The following SHOC2 variants were observed in gnomAD, a reference collection of about 807,000 sequenced individuals.
SHOC2 encodes the protein leucine-rich repeat protein SHOC-2.
Under a neutral mutation model 50.2 loss-of-function variants are expected in SHOC2, and 4 were observed. The ratio of observed to expected loss-of-function variants is 0.08; its 90% CI spans 0.04 to 0.18. The LOEUF is 0.18. Among genes scored for constraint, SHOC2 ranks in the 10% least tolerant of loss-of-function variants. SHOC2 has a pLI of 1.00. For missense variants in SHOC2, 388 were observed against 669.6 expected (o/e 0.58, Z 4.64); for synonymous variants, 218 against 244.5 (o/e 0.89, Z 1.01).
chr10:111,004,535 G>A, intron 4 of SHOC2, 71 bp from the exon 5 acceptor site: 1 of 1,124,928 alleles, frequency 8.9e-7, no homozygotes, highest in Non-Finnish European at 1.3e-6. Context: ...ATTTGTGTTG[G>A]GACTGCTGTT....
chr10:111,001,909 G>C (rs1034477250), intron 4 of SHOC2, among the ~76,000 whole-genome samples: 2 of 152,032 alleles, frequency 1.3e-5, no homozygotes, highest in Non-Finnish European at 2.9e-5. Flanking sequence ...TGAGGTGGTG[G>C]GCACCTGTAA....
Position 110,919,929 on chromosome 10 carries a change from C to A in SHOC2, c.-235+272C>A. The A allele has an allele frequency of 4.7e-5, 11 of 236,206 alleles. No homozygotes were observed. In the South Asian group the frequency reaches 1.7e-3, roughly 37 times the overall value. 14.6% of individuals were successfully genotyped at this position (236,206 alleles called of 1,614,324 possible). A position where few individuals can be genotyped will look rare whatever the true frequency, so the allele number is the denominator to read the frequency against. On this transcript the variant is annotated intron_variant, in intron 1 of 8. Transcript: ENST00000369452. ...AGCCCGGCGCGGAGAGGAAGGCGGT[C>A]GGGTGTGACAGCGGCCGGGGCCGGG...
rs144056207 is a variant in SHOC2, at chr10:110,937,376, T to C, written c.-235+17719T>C. On this transcript the variant is annotated intron_variant, in intron 1 of 8. Transcript: ENST00000369452. ...TGGGTTTGCTTTTCTGACTGTCATG[T>C]AATTTACAGAACTGAACTAATAGTT... 3 of 595,946 alleles carry C rather than the reference T, an allele frequency of 5.0e-6. No individual in the cohort carries two copies. In the East Asian group the frequency reaches 8.6e-5, roughly 17 times the overall value. 36.9% of individuals were successfully genotyped at this position (595,946 alleles called of 1,614,324 possible). A position where few individuals can be genotyped will look rare whatever the true frequency, so the allele number is the denominator to read the frequency against.
At position 110,956,409 on chromosome 10, in the gene SHOC2, G is replaced by A. The variant is rs1476398375; in HGVS notation, c.-234-7716G>A. Among the ~76,000 whole-genome samples, 8 of 152,110 alleles carry A rather than the reference G, an allele frequency of 5.3e-5. No homozygotes were observed. In the East Asian group the frequency reaches 1.3e-3, roughly 26 times the overall value. ...TTTTGGTATTATTAGTAGAGACTGG[G>A]TTTCACCATGTTGGCCAAGCTGGTC... On this transcript the variant is annotated intron_variant, in intron 1 of 8. Transcript: ENST00000369452.
At chr10:110,925,319 C>A (rs1590772408) in intron 1 of SHOC2, among the ~76,000 whole-genome samples, 1 of 152,216 alleles carries the variant, frequency 6.6e-6, no homozygotes, top group Non-Finnish European at 1.5e-5. Flanking sequence ...ACCCTAGAAG[C>A]AGGCTTTGTA....
chr10:110,930,042 C>A (rs1846859431), intron 1 of SHOC2, among the ~76,000 whole-genome samples: 1 of 151,034 alleles, frequency 6.6e-6, no homozygotes, highest in African/African-American at 2.5e-5. Context: ...TATTATGTTT[C>A]TTTTGATCTT....
rs1038265687 is a variant in SHOC2, at chr10:110,978,344, C to T, written c.704-7284C>T. ...GCTAATACTGTAACTCCTGTGGATTCCATTATCCTCTGAAAAGTGTTACAT... is the reference window on the plus strand; with the variant it reads ...GCTAATACTGTAACTCCTGTGGATTTCATTATCCTCTGAAAAGTGTTACAT... On this transcript the variant is annotated intron_variant, in intron 2 of 8. Coordinates refer to ENST00000369452, the MANE Select transcript of SHOC2 (RefSeq NM_007373.4). Among the ~76,000 whole-genome samples, 98 of 152,226 alleles carry T rather than the reference C, an allele frequency of 6.4e-4. 1 individual carries two copies. The highest frequency in any genetic ancestry group is 2.4e-3 in the African/African-American group (98 of 41,542).
intron 3 of SHOC2, among the ~76,000 whole-genome samples, chr10:110,997,723 G>A (rs1192713818): frequency 6.6e-6 from 1 of 152,080 alleles, no homozygotes; most frequent in Non-Finnish European, 1.5e-5. Flanking sequence ...AACCCCTAGA[G>A]CTACCCTGTC....
intron 1 of SHOC2, among the ~76,000 whole-genome samples, chr10:110,939,136 GCTTTT>G (rs1847087964): frequency 6.6e-6 from 1 of 152,110 alleles, no homozygotes; most frequent in South Asian, 2.1e-4. Context: ...TAGAAATGTA[GCTTTT>G]GCCTAGGTCA....
At chr10:110,941,449 A>C (rs1847143429) in intron 1 of SHOC2, among the ~76,000 whole-genome samples, 1 of 151,996 alleles carries the variant, frequency 6.6e-6, no homozygotes, top group Non-Finnish European at 1.5e-5. Flanking sequence ...CTGGTGCCTC[A>C]GCCTCCCGGG....
intron 1 of SHOC2, among the ~76,000 whole-genome samples, chr10:110,960,251 A>G (rs1847546237): frequency 6.6e-6 from 1 of 152,252 alleles, no homozygotes; most frequent in Non-Finnish European, 1.5e-5. Flanking sequence ...CTTTTATGCT[A>G]AACTGACAGA....
chr10:110,984,657 A>G (rs1175818290), intron 2 of SHOC2, among the ~76,000 whole-genome samples: 1 of 152,206 alleles, frequency 6.6e-6, no homozygotes, highest in Admixed American at 6.5e-5. Context: ...TGACAAGACC[A>G]ATTAAAAATG....
intron 1 of SHOC2, among the ~76,000 whole-genome samples, chr10:110,925,390 A>G (rs11816396): frequency 0.058 from 8,845 of 152,102 alleles, 333 homozygotes; most frequent in African/African-American, 0.11. Context: ...TTCACGCAGT[A>G]TTTTTTGGGT....
intron 1 of SHOC2, among the ~76,000 whole-genome samples, chr10:110,960,987 T>A (rs1180685471): frequency 1.3e-5 from 2 of 152,122 alleles, no homozygotes; most frequent in African/African-American, 4.8e-5. Flanking sequence ...AAATTTGTAG[T>A]GTTTTTGTTT....
chr10:111,012,467 C>T lies in SHOC2; in HGVS notation c.*649C>T, dbSNP rs898963211. The stretch of plus-strand genomic sequence containing the variant: ...AACTGGCAAAGTGAAAAGATACAGT[C>T]AAAAATCTAGAATTTCTTTAATTTT... On this transcript the variant is annotated 3_prime_UTR_variant, in exon 9 of 9. Coordinates refer to ENST00000369452, the MANE Select transcript of SHOC2 (RefSeq NM_007373.4). 2 of 151,590 alleles carry T rather than the reference C, an allele frequency of 1.3e-5. No individual in the cohort carries two copies. Among genetic ancestry groups the T allele is most frequent in the African/African-American group, 4.8e-5 (2 of 41,258 alleles). The allele number at this position is 151,590 out of a possible 1,614,324, so 9.4% of individuals were successfully genotyped here.
chr10:110,945,235 A>G (rs1847224236), intron 1 of SHOC2, among the ~76,000 whole-genome samples: 1 of 152,222 alleles, frequency 6.6e-6, no homozygotes, highest in African/African-American at 2.4e-5. Flanking sequence ...GAGTCAGGTC[A>G]CATACGGTCA....
intron 1 of SHOC2, among the ~76,000 whole-genome samples, chr10:110,928,413 A>G (rs1002124880): frequency 1.3e-5 from 2 of 152,136 alleles, no homozygotes; most frequent in Non-Finnish European, 2.9e-5. Context: ...AAAGTTCACT[A>G]TTTACTTTTT....
chr10:110,941,095 C>A (rs571887060), intron 1 of SHOC2, among the ~76,000 whole-genome samples: 4 of 151,966 alleles, frequency 2.6e-5, no homozygotes, highest in Non-Finnish European at 4.4e-5. Context: ...CCATACCCAA[C>A]TAATTTTTAA....
intron 1 of SHOC2, chr10:110,936,835 T>G: frequency 7.5e-7 from 1 of 1,327,552 alleles, no homozygotes. Context: ...AGGCAAACTT[T>G]CTTGTAGGCT....
Sources: allele counts gnomAD v4.1 joint callset (sites outside exome capture counted in the v4.1 genomes callset), GRCh38; gene constraint gnomAD v4.1.1; transcripts MANE v1.5; gene names NCBI Gene and HGNC (gene_info 2026-07-23, HGNC 2026-07-21).